The following RARS1 variants were observed in gnomAD, a reference collection of about 807,000 sequenced individuals.
RARS1 encodes arginine--tRNA ligase, cytoplasmic.
Under a neutral mutation model 78.7 loss-of-function variants are expected in RARS1, and 75 were observed. That is an observed-to-expected ratio of 0.95 (90% CI 0.79 to 1.15). The LOEUF (loss-of-function observed/expected upper bound fraction) is 1.15. RARS1 is among the 50% of genes most tolerant of loss of function. The pLI is 0.00. For synonymous variants in RARS1, 273 were observed against 268.2 expected (o/e 1.02, Z -0.18); for missense variants, 787 against 787.5 (o/e 1.00, Z 0.01).
At chr5:168,496,789 A>G (rs957972813) in intron 6 of RARS1, among the ~76,000 whole-genome samples, 2 of 152,152 alleles carry the variant, frequency 1.3e-5, no homozygotes, top group African/African-American at 2.4e-5. Context: ...CGGCCTCAAC[A>G]TATATTTTCA....
Position 168,519,071 on chromosome 5 carries a change from ATCTTT to A in RARS1, c.1874-7_1874-3del, listed in dbSNP as rs1561830057. The A allele has an allele frequency of 1.9e-6, 3 of 1,595,816 alleles. No homozygotes were observed. Among genetic ancestry groups the A allele is most frequent in the Non-Finnish European group, 2.6e-6 (3 of 1,169,680 alleles). Reference sequence around the variant, plus strand: ...ACAAGTTAATTAACAACTTTTTTCTATCTTTTCAGGAAAAATATTGAAGGTGAACA... The same window carrying A: ...ACAAGTTAATTAACAACTTTTTTCTATCAGGAAAAATATTGAAGGTGAACA... On this transcript the variant is annotated splice_region_variant and splice_polypyrimidine_tract_variant and intron_variant, in intron 14 of 14. Coordinates refer to ENST00000231572, the MANE Select transcript of RARS1 (RefSeq NM_002887.4).
chr5:168,508,452 T>C (rs1363654913), intron 11 of RARS1, among the ~76,000 whole-genome samples: 1 of 151,776 alleles, frequency 6.6e-6, no homozygotes, highest in Non-Finnish European at 1.5e-5. Context: ...AAACCCCGTC[T>C]CTACTAAAAG....
intron 12 of RARS1, among the ~76,000 whole-genome samples, chr5:168,513,332 T>C (rs1477649509): frequency 6.6e-6 from 1 of 151,392 alleles, no homozygotes; most frequent in African/African-American, 2.4e-5. Context: ...TCTTTCTTTC[T>C]TTCTTAAGAC....
At chr5:168,488,231 A>G in intron 1 of RARS1, 1 of 372,998 alleles carries the variant, frequency 2.7e-6, no homozygotes, top group South Asian at 1.9e-5. Flanking sequence ...GGATTCAGGC[A>G]ATTCTCCTGC....
intron 7 of RARS1, among the ~76,000 whole-genome samples, chr5:168,498,317 G>T (rs1487367875): frequency 3.3e-5 from 5 of 151,884 alleles, no homozygotes; most frequent in Non-Finnish European, 7.4e-5. Context: ...TGCATTATAG[G>T]ACTTAAAATT....
intron 11 of RARS1, among the ~76,000 whole-genome samples, chr5:168,509,548 G>A (rs184503193): frequency 1.3e-5 from 2 of 151,052 alleles, no homozygotes; most frequent in African/African-American, 2.4e-5. Context: ...TTTTAACAGC[G>A]ACTGCCCAGG....
chr5:168,487,766 T>C (rs1414035706), intron 1 of RARS1, among the ~76,000 whole-genome samples: 1 of 152,196 alleles, frequency 6.6e-6, no homozygotes, highest in Non-Finnish European at 1.5e-5. Flanking sequence ...TCTTTCTGAA[T>C]TGACATGTCT....
At position 168,507,784 on chromosome 5, in the gene RARS1, A is replaced by G. The variant is rs1758478647; in HGVS notation, c.1346+953A>G. ...TAGGCAAAGTGGCTCTCACGCCTGT[A>G]ATTCCAGCACTTTAGGAAGCCAATG... On this transcript the variant is annotated intron_variant, in intron 11 of 14. Coordinates refer to ENST00000231572, the MANE Select transcript of RARS1 (RefSeq NM_002887.4). Among the ~76,000 whole-genome samples, 5 of 152,112 alleles carry G rather than the reference A, an allele frequency of 3.3e-5. 1 individual carries two copies. In the South Asian group the frequency reaches 1.0e-3, roughly 32 times the overall value.
In RARS1 at chr5:168,494,586, C is replaced by G. The variant is rs372169239; in HGVS notation, c.515C>G (p.Ser172Ter). The change falls in exon 5 of 15, where the codon TCA becomes TGA. Residue 172 changes from serine (S) to a stop codon, truncating the protein, a stop_gained. Transcript: ENST00000231572. LOFTEE classifies it high-confidence loss of function. ...INVHLRKDFV[S>*]EQLTSLLVNG... ...GTCCACTTAAGAAAGGATTTTGTAT[C>G]AGAACAATTGACCAGTCTTCTAGTG... The G allele has an allele frequency of 6.2e-6, 10 of 1,611,528 alleles. No homozygotes were observed. Among genetic ancestry groups the G allele is most frequent in the Non-Finnish European group, 8.5e-6 (10 of 1,177,838 alleles).
intron 2 of RARS1, among the ~76,000 whole-genome samples, chr5:168,491,284 C>A (rs915256206): frequency 6.6e-6 from 1 of 152,168 alleles, no homozygotes; most frequent in South Asian, 2.1e-4. Context: ...GTCTTGAACC[C>A]AGGAGTTCAA....
At chr5:168,494,107 G>C in intron 4 of RARS1, 105 bp downstream of exon 4, 1 of 1,282,830 alleles carries the variant, frequency 7.8e-7, no homozygotes, top group Non-Finnish European at 1.1e-6. Flanking sequence ...TTTGTATACT[G>C]AACAAGATGG....
Position 168,518,076 on chromosome 5 carries a change from T to C in RARS1, c.1873+14T>C. The C allele has an allele frequency of 1.6e-6, 2 of 1,267,780 alleles. No individual in the cohort carries two copies. Among genetic ancestry groups the C allele is most frequent in the Non-Finnish European group, 2.0e-6 (2 of 977,932 alleles). 78.5% of individuals were successfully genotyped at this position (1,267,780 alleles called of 1,614,324 possible). ...ATAGACAGACTGGTGAGTGTCTTTTTTTTTTTTTTTTTTTTTTTTAGTGAG... is the reference window on the plus strand; with the variant it reads ...ATAGACAGACTGGTGAGTGTCTTTTCTTTTTTTTTTTTTTTTTTTAGTGAG... On this transcript the variant is annotated intron_variant, in intron 14 of 14. Coordinates refer to ENST00000231572, the MANE Select transcript of RARS1 (RefSeq NM_002887.4).
At chr5:168,512,372 A>G (rs12516460) in intron 12 of RARS1, among the ~76,000 whole-genome samples, 26,197 of 151,930 alleles carry the variant, frequency 0.17, 2,737 homozygotes, top group Admixed American at 0.3. Context: ...TGTAGGGCTG[A>G]CTTACGCTTA....
intron 7 of RARS1, among the ~76,000 whole-genome samples, chr5:168,498,466 A>G (rs907028746): frequency 6.6e-6 from 1 of 152,188 alleles, no homozygotes; most frequent in African/African-American, 2.4e-5. Flanking sequence ...TAATCTGTAT[A>G]TCAACATGTA....
intron 12 of RARS1, among the ~76,000 whole-genome samples, chr5:168,514,861 A>G (rs1758631879): frequency 2.0e-5 from 3 of 152,184 alleles, no homozygotes; most frequent in Admixed American, 2.0e-4. Context: ...TCATGACCTC[A>G]ACACTTCTGA....
At chr5:168,496,576 G>C (rs957122540) in intron 6 of RARS1, among the ~76,000 whole-genome samples, 1 of 151,574 alleles carries the variant, frequency 6.6e-6, no homozygotes, top group Non-Finnish European at 1.5e-5. Context: ...TCTACCTCCT[G>C]GGTTCACGCC....
At position 168,506,788 on chromosome 5, in the gene RARS1, C is replaced by T. The variant is rs1348859672; in HGVS notation, c.1303C>T (p.Arg435Ter). Residue 435 changes from arginine to a stop codon, truncating the protein, a stop_gained, in exon 11 of 15, where the codon CGA becomes TGA. Coordinates refer to ENST00000231572, the MANE Select transcript of RARS1 (RefSeq NM_002887.4). LOFTEE classifies it high-confidence loss of function. ...TGGTTGGTATGACCCTAAAGTAACT[C>T]GAGTCTTCCATGCTGGATTTGGTGT... The part of the protein sequence containing the change: ...MIGWYDPKVT[R>*]VFHAGFGVVL... 3.1e-6 allele frequency: 5 copies of T among 1,613,602 alleles called. No individual in the cohort carries two copies. Among genetic ancestry groups the T allele is most frequent in the South Asian group, 1.1e-5 (1 of 91,056 alleles).
At chr5:168,497,028 C>T (rs1479962611) in intron 6 of RARS1, 200 bp from the exon 7 acceptor site, 4 of 406,556 alleles carry the variant, frequency 9.8e-6, no homozygotes, top group Non-Finnish European at 1.7e-5. Flanking sequence ...GTATGCAGAG[C>T]TGAATGTAAC....
At chr5:168,495,976 C>T (rs1325221664) in intron 6 of RARS1, among the ~76,000 whole-genome samples, 2 of 152,022 alleles carry the variant, frequency 1.3e-5, no homozygotes, top group African/African-American at 4.8e-5. Flanking sequence ...TAGCAAGAAC[C>T]TGTCTCTATT....
Sources: gnomAD v4.1 joint callset for allele counts (sites outside exome capture counted in the v4.1 genomes callset) on GRCh38, gnomAD v4.1.1 for gene constraint, MANE v1.5 for transcripts, NCBI Gene and HGNC (gene_info 2026-07-23, HGNC 2026-07-21) for gene names.